Variants in ENOPH1 observed in about 807,000 individuals in gnomAD.
ENOPH1 encodes enolase-phosphatase 1, also known as enolase-phosphatase E1.
In ENOPH1, 14 loss-of-function variants were observed where a neutral mutation model predicts 31.1. The observed-to-expected ratio is 0.45, with a 90% CI of 0.30 to 0.70. ENOPH1 has a LOEUF of 0.70. ENOPH1 is among the 30% of genes least tolerant of loss of function. ENOPH1 has a pLI of 0.09. For missense variants in ENOPH1, 243 were observed against 321.5 expected, an observed-to-expected ratio of 0.76 and a Z score of 1.87; for synonymous variants, 127 against 123.2, an observed-to-expected ratio of 1.03 and a Z score of -0.21.
chr4:82,459,025 C>T (rs1722572672), intron 5 of ENOPH1, among the ~76,000 whole-genome samples: 1 of 152,196 alleles, frequency 6.6e-6, no homozygotes, highest in African/African-American at 2.4e-5. Context: ...TGTGACTCTT[C>T]TCCAAAGGCT....
At chr4:82,431,939 TCTCA>T (rs1488702071) in intron 1 of ENOPH1, among the ~76,000 whole-genome samples, 1 of 150,256 alleles carries the variant, frequency 6.7e-6, no homozygotes, top group Non-Finnish European at 1.5e-5. Context: ...TCTTTGAGAG[TCTCA>T]CTCTGTTCCC....
Position 82,430,858 on chromosome 4 carries a change from T to G in ENOPH1, c.29T>G (p.Val10Gly). Residue 10 changes from valine to glycine, a missense_variant, in exon 1 of 6, where the codon GTC becomes GGC. By Grantham distance (109) the Val-to-Gly change is moderately radical (BLOSUM62 -3). Coordinates refer to ENST00000273920, the MANE Select transcript of ENOPH1 (RefSeq NM_021204.5). ...GTCGTGCTTTCGGTCCCCGCCGAAGTCACCGTGATCCTGTTAGATATCGAA... is the reference window on the plus strand; with the variant it reads ...GTCGTGCTTTCGGTCCCCGCCGAAGGCACCGTGATCCTGTTAGATATCGAA... MVVLSVPAE[V>G]TVILLDIEGT... 6.2e-7 allele frequency: 1 copy of G among 1,614,206 alleles called. No homozygotes were observed. Among genetic ancestry groups the G allele is most frequent in the Non-Finnish European group, 8.5e-7 (1 of 1,180,012 alleles).
chr4:82,450,812 C>G (rs965799051), intron 2 of ENOPH1, among the ~76,000 whole-genome samples: 1 of 152,036 alleles, frequency 6.6e-6, no homozygotes, highest in Non-Finnish European at 1.5e-5. Flanking sequence ...ATACAACATG[C>G]GTCTCAGTTT....
At chr4:82,451,361 ACT>A (rs1209530518) in intron 3 of ENOPH1, 116 bp downstream of exon 3, 10 of 999,176 alleles carry the variant, frequency 1.0e-5, no homozygotes, top group African/African-American at 1.6e-5. Context: ...AAAAATCCAC[ACT>A]CTTTTTAGTC....
Position 82,451,116 on chromosome 4 carries a change from A to T in ENOPH1, c.260A>T (p.Gln87Leu). ...AASGNGVDDL[Q>L]QMIQAVVDNV... ...TCTGGGAATGGAGTGGATGATCTGC[A>T]ACAGATGATCCAGGCCGTGGTAGAT... The change falls in exon 3 of 6, where the codon CAA (glutamine) becomes CTA (leucine). Residue 87 changes from glutamine to leucine, a missense_variant. By Grantham distance (113) the Gln-to-Leu change is moderately radical. Coordinates refer to ENST00000273920, the MANE Select transcript of ENOPH1 (RefSeq NM_021204.5). The T allele has an allele frequency of 6.2e-7, 1 of 1,614,186 alleles. No individual in the cohort carries two copies. The highest frequency in any genetic ancestry group is 8.5e-7 in the Non-Finnish European group (1 of 1,180,008).
intron 2 of ENOPH1, 76 bp from the exon 3 acceptor site, chr4:82,450,967 G>A: frequency 8.1e-7 from 1 of 1,240,052 alleles, no homozygotes; most frequent in Admixed American, 1.9e-5. Flanking sequence ...TGTTCTGCTG[G>A]GTTTTTGGGT....
chr4:82,449,057 CAAAAAAAA>C (rs10604951), intron 2 of ENOPH1, among the ~76,000 whole-genome samples: 6 of 49,524 alleles, frequency 1.2e-4, no homozygotes, highest in Admixed American at 2.9e-4. Flanking sequence ...GACTCCGTCT[CAAAAAAAA>C]AAAAAAAAAA....
At chr4:82,447,385 G>A (rs1473155955) in intron 1 of ENOPH1, among the ~76,000 whole-genome samples, 1 of 152,244 alleles carries the variant, frequency 6.6e-6, no homozygotes, top group Admixed American at 6.5e-5. Flanking sequence ...TACTTGTCAT[G>A]TATGGACACC....
Position 82,438,152 on chromosome 4 carries a change from A to AC in ENOPH1, c.84+7246dup, listed in dbSNP as rs544275934. On this transcript the variant is annotated intron_variant, in intron 1 of 5. Transcript: ENST00000273920. ...GTAAGACTAGAGGAAAGGTTTTTCTACCCCCCCAAATATTCTTCCTAGAAA... is the reference window on the plus strand; with the variant it reads ...GTAAGACTAGAGGAAAGGTTTTTCTACCCCCCCCAAATATTCTTCCTAGAAA... Among the ~76,000 whole-genome samples, 103 of 152,104 alleles carry AC rather than the reference A, an allele frequency of 6.8e-4. 1 individual carries two copies. The highest frequency in any genetic ancestry group is 2.2e-3 in the African/African-American group (91 of 41,498).
Position 82,447,909 on chromosome 4 carries a change from C to A in ENOPH1, c.85-11C>A. ...GCTAACTCTTGTATTTTCTTTTACT[C>A]TTTTATCCAGGACATTTTATTTCCT... On this transcript the variant is annotated splice_polypyrimidine_tract_variant and intron_variant, in intron 1 of 5. Coordinates refer to ENST00000273920, the MANE Select transcript of ENOPH1 (RefSeq NM_021204.5). The A allele has an allele frequency of 6.4e-7, 1 of 1,561,488 alleles. No individual in the cohort carries two copies. The highest frequency in any genetic ancestry group is 8.8e-7 in the Non-Finnish European group (1 of 1,140,526).
chr4:82,460,259 A>G lies in ENOPH1; in HGVS notation c.*139A>G. 1 of 766,586 alleles carries G rather than the reference A, an allele frequency of 1.3e-6. No homozygotes were observed. Among genetic ancestry groups the G allele is most frequent in the Non-Finnish European group, 2.0e-6 (1 of 491,314 alleles). The allele number at this position is 766,586 out of a possible 1,614,324, so 47.5% of individuals were successfully genotyped here. A position where few individuals can be genotyped will look rare whatever the true frequency, so the allele number is the denominator to read the frequency against. ...CAAGTATGTATATATGTGTATGCTC[A>G]GATTAACTTCCATAGGTACATAAGT... On this transcript the variant is annotated 3_prime_UTR_variant, in exon 6 of 6. Transcript: ENST00000273920.
At position 82,456,977 on chromosome 4, in the gene ENOPH1, G is replaced by A. The variant is rs764586399; in HGVS notation, c.585G>A (p.Lys195=). The A allele has an allele frequency of 1.9e-6, 3 of 1,614,068 alleles. No individual in the cohort carries two copies. Among genetic ancestry groups the A allele is most frequent in the Non-Finnish European group, 2.5e-6 (3 of 1,179,996 alleles). Residue 195 remains lysine, a synonymous_variant, in exon 5 of 6, where the codon AAG becomes AAA. Coordinates refer to ENST00000273920, the MANE Select transcript of ENOPH1 (RefSeq NM_021204.5). ...AAGTAGAGAGTGAAAGTTACCGAAA[G>A]ATTGCAGACAGCATTGGGTGCTCAA... ...GHKVESESYR[K]IADSIGCSTN... is the part of the protein sequence containing the mutation.
rs1338260693 is a variant in ENOPH1, at chr4:82,430,797, A to G, written c.-33A>G. On this transcript the variant is annotated 5_prime_UTR_variant, in exon 1 of 6. Coordinates refer to ENST00000273920, the MANE Select transcript of ENOPH1 (RefSeq NM_021204.5). ...GGCGCCGCCCTCCGCCCTCCCCAAC[A>G]GCAGGCCGAGTCCCGTAGCATCCGG... The G allele has an allele frequency of 1.2e-6, 2 of 1,605,584 alleles. No homozygotes were observed.
intron 3 of ENOPH1, among the ~76,000 whole-genome samples, chr4:82,453,422 A>G (rs1722405548): frequency 6.6e-6 from 1 of 152,214 alleles, no homozygotes; most frequent in South Asian, 2.1e-4. Flanking sequence ...AAAGCACTCA[A>G]AAAAGTGGAG....
chr4:82,454,105 C>T (rs1722422478), intron 3 of ENOPH1, among the ~76,000 whole-genome samples: 1 of 151,086 alleles, frequency 6.6e-6, no homozygotes, highest in African/African-American at 2.4e-5. Context: ...TCCCAACTAC[C>T]TGGGAGGCTG....
At chr4:82,449,220 A>T (rs192364584) in intron 2 of ENOPH1, among the ~76,000 whole-genome samples, 1 of 152,198 alleles carries the variant, frequency 6.6e-6, no homozygotes, top group South Asian at 2.1e-4. Context: ...AGCCTGGGCT[A>T]CAGAGCAAGA....
chr4:82,457,612 G>T (rs751480245), intron 5 of ENOPH1, among the ~76,000 whole-genome samples: 1 of 151,834 alleles, frequency 6.6e-6, no homozygotes, highest in Non-Finnish European at 1.5e-5. Context: ...CCCAGCCATC[G>T]CTATGTACAC....
At chr4:82,434,570 C>A (rs370153437) in intron 1 of ENOPH1, among the ~76,000 whole-genome samples, 1 of 151,996 alleles carries the variant, frequency 6.6e-6, no homozygotes, top group African/African-American at 2.4e-5. Context: ...AAAAATTAGC[C>A]GGGCATGGTG....
In ENOPH1 at chr4:82,460,793, G is replaced by T. The variant is rs1722626733; in HGVS notation, c.*673G>T. ...AGGTAACATCTAAAACAGAGATGTG[G>T]TTCTTAATGTTTAACAGAACAGTTC... is the stretch of plus-strand genomic sequence containing the variant. On this transcript the variant is annotated 3_prime_UTR_variant, in exon 6 of 6. Transcript: ENST00000273920. 1 of 152,224 alleles carries T rather than the reference G, an allele frequency of 6.6e-6. No homozygotes were observed. The highest frequency in any genetic ancestry group is 1.5e-5 in the Non-Finnish European group (1 of 68,060). The allele number at this position is 152,224 out of a possible 1,614,324, so 9.4% of individuals were successfully genotyped here.
Sources: gnomAD v4.1 joint callset for allele counts (sites outside exome capture counted in the v4.1 genomes callset) on GRCh38, gnomAD v4.1.1 for gene constraint, MANE v1.5 for transcripts, NCBI Gene and HGNC (gene_info 2026-07-23, HGNC 2026-07-21) for gene names.